USP25: variants seen among roughly 807,000 people sequenced by gnomAD.
The protein encoded by USP25 is ubiquitin carboxyl-terminal hydrolase 25.
A neutral mutation model predicts 158.5 loss-of-function variants in USP25; 85 were observed. The observed-to-expected ratio is 0.54, with a 90% CI of 0.45 to 0.64. USP25 has a LOEUF of 0.64. Ranked by LOEUF, USP25 falls within the 30% of genes least tolerant of loss-of-function variation. USP25 has a pLI of 0.00. For synonymous variants in USP25, 464 were observed against 460.4 expected, an observed-to-expected ratio of 1.01 and a Z score of -0.10; for missense variants, 1,242 against 1,327.3, an observed-to-expected ratio of 0.94 and a Z score of 1.00.
At chr21:15,755,449 T>G (rs2033313670) in intron 1 of USP25, among the ~76,000 whole-genome samples, 1 of 152,188 alleles carries the variant, frequency 6.6e-6, no homozygotes, top group Non-Finnish European at 1.5e-5. Flanking sequence ...TTGCACTGAG[T>G]TTTCATTTTT....
At chr21:15,815,226 T>G (rs1338190183) in intron 9 of USP25, among the ~76,000 whole-genome samples, 2 of 152,202 alleles carry the variant, frequency 1.3e-5, no homozygotes, top group Non-Finnish European at 1.5e-5. Context: ...TTTCAGAAGA[T>G]GTATAGAAAT....
chr21:15,844,907 T>C (rs1193627912), intron 18 of USP25, among the ~76,000 whole-genome samples: 8 of 152,172 alleles, frequency 5.3e-5, no homozygotes, highest in Non-Finnish European at 4.4e-5. Context: ...TGAAAACATT[T>C]AGTGGCTGAG....
intron 16 of USP25, 91 bp downstream of exon 16, chr21:15,831,720 C>T (rs1423875654): frequency 2.5e-5 from 26 of 1,047,144 alleles, no homozygotes; most frequent in Non-Finnish European, 3.3e-5. Flanking sequence ...TTCACTCAGA[C>T]GATGAAGGAT....
chr21:15,835,340 A>G (rs1304394753), intron 17 of USP25, among the ~76,000 whole-genome samples: 5 of 152,204 alleles, frequency 3.3e-5, no homozygotes, highest in African/African-American at 7.2e-5. Context: ...CAGAGTTAAC[A>G]TATTTTATTT....
Position 15,744,014 on chromosome 21 carries a change from CAGTG to C in USP25, c.45+13577_45+13580del, listed in dbSNP as rs376842411. On this transcript the variant is annotated intron_variant, in intron 1 of 25. Transcript: ENST00000400183. Reference sequence around the variant, plus strand: ...AGAACAGTGGAACTTACAGAACTGACAGTGTTTCCATTCTTGCTGGGTGGCGCCA... The same window carrying C: ...AGAACAGTGGAACTTACAGAACTGACTTTCCATTCTTGCTGGGTGGCGCCA... 1.0e-4 allele frequency: 16 copies of C among 155,602 alleles called. No individual in the cohort carries two copies. In the Middle Eastern group the frequency reaches 3.6e-3, roughly 35 times the overall value. The allele number at this position is 155,602 out of a possible 1,614,324, so 9.6% of individuals were successfully genotyped here.
intron 20 of USP25, among the ~76,000 whole-genome samples, chr21:15,854,648 A>C (rs761920989): frequency 6.6e-6 from 1 of 152,206 alleles, no homozygotes; most frequent in Non-Finnish European, 1.5e-5. Context: ...TGATAAGAAT[A>C]GTGATGCCAC....
intron 6 of USP25, among the ~76,000 whole-genome samples, chr21:15,802,486 A>G (rs1016853342): frequency 6.6e-6 from 1 of 151,626 alleles, no homozygotes; most frequent in Admixed American, 6.6e-5. Context: ...AATCAACAAC[A>G]GAAAGATATA....
At chr21:15,770,827 CAGTG>C (rs1044230609) in intron 3 of USP25, among the ~76,000 whole-genome samples, 7 of 152,172 alleles carry the variant, frequency 4.6e-5, no homozygotes, top group African/African-American at 1.7e-4. Context: ...CTGAGTTTAA[CAGTG>C]AGAATATTGA....
rs1319659614 is a variant in USP25, at chr21:15,742,833, C to A, written c.45+12395C>A. ...TGCCTGCTCGGCCCAGCAGGGTGCTCTCAGCTGATCCCCAGCCCAGATCCC... is the reference window on the plus strand; with the variant it reads ...TGCCTGCTCGGCCCAGCAGGGTGCTATCAGCTGATCCCCAGCCCAGATCCC... On this transcript the variant is annotated intron_variant, in intron 1 of 25. Coordinates refer to ENST00000400183, the MANE Select transcript of USP25 (RefSeq NM_001283041.3). Among the ~76,000 whole-genome samples the A allele has an allele frequency of 2.0e-5, 3 of 152,234 alleles. 1 individual carries two copies. The highest frequency in any genetic ancestry group is 2.0e-4 in the Admixed American group (3 of 15,288).
intron 1 of USP25, among the ~76,000 whole-genome samples, chr21:15,742,375 G>A (rs1015062439): frequency 6.6e-6 from 1 of 152,162 alleles, no homozygotes; most frequent in South Asian, 2.1e-4. Context: ...GCCAGGGCTT[G>A]TTATGGTAAC....
At chr21:15,852,479 G>A (rs1209912560) in intron 20 of USP25, among the ~76,000 whole-genome samples, 1 of 152,066 alleles carries the variant, frequency 6.6e-6, no homozygotes, top group Non-Finnish European at 1.5e-5. Flanking sequence ...TTGTATCAAT[G>A]TTACGCTTTT....
intron 1 of USP25, among the ~76,000 whole-genome samples, chr21:15,732,095 A>G (rs1463487546): frequency 6.6e-6 from 1 of 152,236 alleles, no homozygotes; most frequent in Non-Finnish European, 1.5e-5. Flanking sequence ...ATAAAATTGT[A>G]GAATCAAGAA....
At chr21:15,792,377 A>G (rs2035635905) in intron 5 of USP25, among the ~76,000 whole-genome samples, 1 of 151,706 alleles carries the variant, frequency 6.6e-6, no homozygotes, top group South Asian at 2.1e-4. Context: ...ATCAGATTGC[A>G]AAACTTTAAA....
chr21:15,829,526 T>C (rs1282765368), intron 14 of USP25, among the ~76,000 whole-genome samples: 1 of 152,226 alleles, frequency 6.6e-6, no homozygotes, highest in Non-Finnish European at 1.5e-5. Flanking sequence ...ATTGAAAAAC[T>C]GGTATTTTAG....
Position 15,842,512 on chromosome 21 carries a change from A to T in USP25, c.2309A>T (p.Asp770Val), listed in dbSNP as rs1376062834. 1 of 1,613,684 alleles carries T rather than the reference A, an allele frequency of 6.2e-7. No individual in the cohort carries two copies. Among genetic ancestry groups the T allele is most frequent in the Non-Finnish European group, 8.5e-7 (1 of 1,179,688 alleles). ...ACCAAGGCATCACATGAGCATGAAG[A>T]TAAAAGTCCTGAAACAGTTTTGCAG... ...IITKASHEHE[D>V]KSPETVLQSK... Residue 770 changes from aspartate to valine, a missense_variant, in exon 18 of 26, where the codon GAT becomes GTT. This residue lies in a region of USP25 where 608 missense variants were observed against 605.2 expected (regional missense o/e 1.00). Coordinates refer to ENST00000400183, the MANE Select transcript of USP25 (RefSeq NM_001283041.3).
chr21:15,748,284 T>G (rs2032718437), intron 1 of USP25, among the ~76,000 whole-genome samples: 1 of 152,022 alleles, frequency 6.6e-6, no homozygotes, highest in Admixed American at 6.6e-5. Flanking sequence ...GCCCTTGAAT[T>G]AAAAAATATA....
At chr21:15,797,851 G>A (rs1473808512) in intron 5 of USP25, among the ~76,000 whole-genome samples, 1 of 151,216 alleles carries the variant, frequency 6.6e-6, no homozygotes, top group African/African-American at 2.4e-5. Flanking sequence ...GGGAGAGAGG[G>A]AGAACACATT....
chr21:15,788,741 T>A (rs2035432519), intron 4 of USP25, among the ~76,000 whole-genome samples: 1 of 152,094 alleles, frequency 6.6e-6, no homozygotes, highest in Non-Finnish European at 1.5e-5. Flanking sequence ...CCATGTGGTA[T>A]GGTTAAGGTG....
chr21:15,750,478 C>T (rs571065164), intron 1 of USP25, among the ~76,000 whole-genome samples: 236 of 151,592 alleles, frequency 1.6e-3, no homozygotes, highest in Non-Finnish European at 2.9e-3. Flanking sequence ...GATCCACCCG[C>T]GAAAGGCTCC....
Sources: gnomAD v4.1 joint callset for allele counts (sites outside exome capture counted in the v4.1 genomes callset) on GRCh38, gnomAD v4.1.1 for gene constraint, gnomAD v4.1.1 regional missense constraint, MANE v1.5 for transcripts, NCBI Gene and HGNC (gene_info 2026-07-23, HGNC 2026-07-21) for gene names.